The following CMIP variants were observed in gnomAD, a reference collection of about 807,000 sequenced individuals.
CMIP encodes the protein c-Maf inducing protein, also known as C-Maf-inducing protein.
A neutral mutation model predicts 97.3 loss-of-function variants in CMIP; 13 were observed. That is an observed-to-expected ratio of 0.13 (90% CI 0.09 to 0.21). The LOEUF (loss-of-function observed/expected upper bound fraction) is 0.21, where lower values mean the gene tolerates loss of function less well. Among genes scored for constraint, CMIP ranks in the 10% least tolerant of loss-of-function variants. The pLI, the probability that CMIP is intolerant of heterozygous loss-of-function variation, is 1.00. For missense variants in CMIP, 847 were observed against 1,024.9 expected (o/e 0.83, Z 2.37); for synonymous variants, 538 against 436.3 (o/e 1.23, Z -2.91).
chr16:81,570,933 T>G (rs11648317), intron 1 of CMIP, among the ~76,000 whole-genome samples: 15,293 of 152,058 alleles, frequency 0.1, 1,038 homozygotes, highest in African/African-American at 0.19. Context: ...TGATGAAATG[T>G]CCCATGGGGT....
intron 1 of CMIP, among the ~76,000 whole-genome samples, chr16:81,585,672 G>T (rs570090684): frequency 1.6e-5 from 2 of 126,696 alleles, no homozygotes; most frequent in Non-Finnish European, 3.7e-5. Flanking sequence ...ACACCGCATG[G>T]CACAGTACCT....
At chr16:81,458,449 G>C (rs1389400841) in intron 1 of CMIP, among the ~76,000 whole-genome samples, 1 of 152,178 alleles carries the variant, frequency 6.6e-6, no homozygotes, top group African/African-American at 2.4e-5. Flanking sequence ...AGCCCTGGCT[G>C]GGGGCATGAC....
intron 1 of CMIP, among the ~76,000 whole-genome samples, chr16:81,553,265 G>C (rs1416679416): frequency 6.6e-6 from 1 of 152,140 alleles, no homozygotes; most frequent in African/African-American, 2.4e-5. Flanking sequence ...GGCTTCCTGC[G>C]TCCTGGCCTG....
chr16:81,682,535 A>G (rs547270896), intron 10 of CMIP, among the ~76,000 whole-genome samples: 1 of 151,998 alleles, frequency 6.6e-6, no homozygotes, highest in Non-Finnish European at 1.5e-5. Context: ...ATTGCGTTCC[A>G]TCCTGGGCAA....
intron 1 of CMIP, among the ~76,000 whole-genome samples, chr16:81,550,553 A>G (rs1449116303): frequency 6.6e-6 from 1 of 152,164 alleles, no homozygotes; most frequent in Non-Finnish European, 1.5e-5. Flanking sequence ...AAGAATGTCT[A>G]TGTGGCTTCC....
At chr16:81,461,600 AGTCGTTAAAT>A (rs1379105526) in intron 1 of CMIP, among the ~76,000 whole-genome samples, 6 of 152,250 alleles carry the variant, frequency 3.9e-5, no homozygotes, top group Non-Finnish European at 8.8e-5. Context: ...TAAGGCCCAG[AGTCGTTAAAT>A]GACCCTCAAG....
chr16:81,662,411 A>C (rs2092557198), intron 6 of CMIP, among the ~76,000 whole-genome samples: 2 of 152,196 alleles, frequency 1.3e-5, no homozygotes, highest in African/African-American at 4.8e-5. Flanking sequence ...AGAAAAAGGT[A>C]CCCTTTTTGG....
In CMIP at chr16:81,621,686, G is replaced by C. The variant is rs1409549993; in HGVS notation, c.477+760G>C. Reference sequence around the variant, plus strand: ...ACAGCGGGTATGGCTGGAATGACCAGTGTGTCATAAGCTGTCATCCTTACA... The same window carrying C: ...ACAGCGGGTATGGCTGGAATGACCACTGTGTCATAAGCTGTCATCCTTACA... On this transcript the variant is annotated intron_variant, in intron 3 of 20. Transcript: ENST00000537098. The surrounding 1 kb of genome is among the most constrained non-coding windows in gnomAD (Gnocchi z 4.1). 3 of 152,730 alleles carry C rather than the reference G, an allele frequency of 2.0e-5. No individual in the cohort carries two copies. Among genetic ancestry groups the C allele is most frequent in the Admixed American group, 2.0e-4 (3 of 15,282 alleles). The allele number at this position is 152,730 out of a possible 1,614,324, so 9.5% of individuals were successfully genotyped here.
intron 1 of CMIP, among the ~76,000 whole-genome samples, chr16:81,550,929 T>C (rs1457115294): frequency 2.3e-4 from 17 of 73,494 alleles, no homozygotes; most frequent in African/African-American, 6.6e-4. Flanking sequence ...TTCCGTCACA[T>C]ATATCCCAGT....
At chr16:81,489,332 T>C (rs1482067363) in intron 1 of CMIP, among the ~76,000 whole-genome samples, 2 of 152,182 alleles carry the variant, frequency 1.3e-5, no homozygotes, top group Admixed American at 1.3e-4. Flanking sequence ...GAGGTAGTGC[T>C]TGTTCCCCAC....
intron 2 of CMIP, among the ~76,000 whole-genome samples, chr16:81,617,801 G>C (rs546303755): frequency 6.6e-6 from 1 of 152,220 alleles, no homozygotes; most frequent in African/African-American, 2.4e-5. Flanking sequence ...CATTCATTCA[G>C]AAAACACCTG....
chr16:81,644,529 A>C (rs7198040), intron 3 of CMIP, among the ~76,000 whole-genome samples: 151,812 of 152,278 alleles, frequency 1, 75,675 homozygotes, highest in Middle Eastern at 1. Context: ...TGCATTATAT[A>C]TGAAGGTAAT....
At chr16:81,458,846 A>C (rs534655110) in intron 1 of CMIP, among the ~76,000 whole-genome samples, 2 of 152,306 alleles carry the variant, frequency 1.3e-5, no homozygotes, top group East Asian at 1.9e-4. Flanking sequence ...AAAGGGGAGA[A>C]TACATGGAAT....
At chr16:81,560,629 C>G (rs545824718) in intron 1 of CMIP, among the ~76,000 whole-genome samples, 39 of 152,352 alleles carry the variant, frequency 2.6e-4, no homozygotes, top group African/African-American at 9.1e-4. Flanking sequence ...CGCTCACTCA[C>G]TCACCCACCC....
intron 6 of CMIP, among the ~76,000 whole-genome samples, chr16:81,661,253 T>A (rs925123463): frequency 6.6e-6 from 1 of 152,234 alleles, no homozygotes; most frequent in Non-Finnish European, 1.5e-5. Context: ...TGGGTTATTA[T>A]TAGCCAAGGT....
chr16:81,686,679 C>A lies in CMIP; in HGVS notation c.1389-5096C>A, dbSNP rs531390894. ...ATGATTGGGGTTCTGAAGGCTGCCA[C>A]TCTATCGTGGGCTTATTTGGAGGAA... On this transcript the variant is annotated intron_variant, in intron 10 of 20. Coordinates refer to ENST00000537098, the MANE Select transcript of CMIP (RefSeq NM_198390.3). Among the ~76,000 whole-genome samples, 3 of 152,290 alleles carry A rather than the reference C, an allele frequency of 2.0e-5. No homozygotes were observed. In the South Asian group the frequency reaches 6.2e-4, roughly 32 times the overall value.
At chr16:81,521,884 A>G (rs918200929) in intron 1 of CMIP, among the ~76,000 whole-genome samples, 8 of 152,234 alleles carry the variant, frequency 5.3e-5, no homozygotes, top group Non-Finnish European at 1.2e-4. Context: ...TTGGTATCCT[A>G]TATCTTACAG....
At chr16:81,585,257 GT>G (rs1252442730) in intron 1 of CMIP, among the ~76,000 whole-genome samples, 2 of 152,228 alleles carry the variant, frequency 1.3e-5, no homozygotes, top group Admixed American at 1.3e-4. Context: ...CAGGAGAATT[GT>G]TTGAACTCAG....
rs780579015 is a variant in CMIP at position 81,657,792 on chromosome 16, C to T, written c.657C>T (p.Thr219=). 2 of 1,608,580 alleles carry T rather than the reference C, an allele frequency of 1.2e-6. No individual in the cohort carries two copies. Among genetic ancestry groups the T allele is most frequent in the Non-Finnish European group, 1.7e-6 (2 of 1,177,624 alleles). The part of the protein sequence containing the change: ...KLLSENTNLT[T]QEHENIIVAI... ...TCCTTTAGAACACAAACTTGACCAC[C>T]CAGGAGCATGAAAACATCATTGTGG... The change falls in exon 5 of 21, where the codon ACC becomes ACT. Residue 219 remains threonine (T), a synonymous_variant. Transcript: ENST00000537098.
Sources: allele counts gnomAD v4.1 joint callset (sites outside exome capture counted in the v4.1 genomes callset), GRCh38; gene constraint gnomAD v4.1.1; non-coding constraint Gnocchi (gnomAD v3.1); transcripts MANE v1.5; gene names NCBI Gene and HGNC (gene_info 2026-07-23, HGNC 2026-07-21).